Variants in TBL1X observed in about 807,000 individuals in gnomAD.
TBL1X encodes F-box-like/WD repeat-containing protein TBL1X.
In TBL1X, 10 loss-of-function variants were observed where a neutral mutation model predicts 50.7. The observed-to-expected ratio is 0.20, with a 90% CI of 0.12 to 0.33. The LOEUF is 0.33. TBL1X is among the 10% of genes least tolerant of loss of function. The pLI, the probability that TBL1X is intolerant of heterozygous loss-of-function variation, is 1.00. For missense variants in TBL1X, 340 were observed against 504.4 expected (o/e 0.67, Z 3.12); for synonymous variants, 190 against 214.7 (o/e 0.88, Z 1.01).
At position 9,648,723 on chromosome X, in the gene TBL1X, G is replaced by A. The variant is rs774690225; in HGVS notation, c.-42-4822G>A. Among the ~76,000 whole-genome samples the A allele has an allele frequency of 4.4e-5, 5 of 112,435 alleles. No homozygotes were observed. The East Asian group carries it at 1.4e-3, about 31-fold the overall frequency. On this transcript the variant is annotated intron_variant, in intron 3 of 17. Coordinates refer to ENST00000645353, the MANE Select transcript of TBL1X (RefSeq NM_005647.4). ...GTGCCATCACTCAAGCCAGAAATGAGGTTTGCAGTGACCTTCTCTGTGCTT... is the reference window on the plus strand; with the variant it reads ...GTGCCATCACTCAAGCCAGAAATGAAGTTTGCAGTGACCTTCTCTGTGCTT...
intron 5 of TBL1X, among the ~76,000 whole-genome samples, chrX:9,681,662 T>C (rs1027505514): frequency 8.9e-6 from 1 of 112,559 alleles, no homozygotes; most frequent in Non-Finnish European, 1.9e-5. Flanking sequence ...CTTCCACAAT[T>C]GCTCCATCAG....
intron 1 of TBL1X, among the ~76,000 whole-genome samples, chrX:9,487,659 G>A (rs890171987): frequency 8.9e-6 from 1 of 112,116 alleles, no homozygotes; most frequent in Non-Finnish European, 1.9e-5. Context: ...TAGCATGAAC[G>A]GTAATTTTCT....
At chrX:9,571,169 T>TCTC (rs1219510671) in intron 2 of TBL1X, among the ~76,000 whole-genome samples, 1 of 111,489 alleles carries the variant, frequency 9.0e-6, no homozygotes, top group Non-Finnish European at 1.9e-5. Flanking sequence ...TGGGGAGGCC[T>TCTC]CTCCTCCTGG....
At position 9,518,132 on chromosome X, in the gene TBL1X, G is replaced by A. The variant is rs186475647; in HGVS notation, c.-131+16283G>A. On this transcript the variant is annotated intron_variant, in intron 2 of 17. Coordinates refer to ENST00000645353, the MANE Select transcript of TBL1X (RefSeq NM_005647.4). Reference sequence around the variant, plus strand: ...AAAAAAAAAAGAAAAGAAAAAAACAGTACCTTGTTGATACATGGAAATGAT... The same window carrying A: ...AAAAAAAAAAGAAAAGAAAAAAACAATACCTTGTTGATACATGGAAATGAT... Among the ~76,000 whole-genome samples the A allele has an allele frequency of 2.7e-5, 3 of 109,360 alleles. No individual in the cohort carries two copies. The East Asian group carries it at 8.6e-4, about 31-fold the overall frequency. 95.0% of individuals were successfully genotyped at this position (109,360 alleles called of 115,157 possible).
Position 9,692,372 on chromosome X carries a change from G to T in TBL1X, c.891+118G>T, listed in dbSNP as rs764881543. ...GGAGGCAGGTGGTCCTGTGTGCTCA[G>T]CCCCCACTCTGATGGGCTGCCAGAG... On this transcript the variant is annotated intron_variant, in intron 9 of 17. Transcript: ENST00000645353. 46 of 926,907 alleles carry T rather than the reference G, an allele frequency of 5.0e-5. No homozygotes were observed. In the East Asian group the frequency reaches 1.5e-3, roughly 30 times the overall value. 76.4% of individuals were successfully genotyped at this position (926,907 alleles called of 1,213,427 possible). A position where few individuals can be genotyped will look rare whatever the true frequency, so the allele number is the denominator to read the frequency against.
chrX:9,711,560 G>A, intron 15 of TBL1X, 51 bp from the exon 16 acceptor site: 1 of 1,097,995 alleles, frequency 9.1e-7, no homozygotes, highest in Non-Finnish European at 1.2e-6. Context: ...ATGGAGAACT[G>A]TTTGAAACCA....
At chrX:9,678,260 A>T (rs2083006122) in intron 5 of TBL1X, among the ~76,000 whole-genome samples, 1 of 112,159 alleles carries the variant, frequency 8.9e-6, no homozygotes, top group Non-Finnish European at 1.9e-5. Flanking sequence ...AGGTCAGCAC[A>T]CTTTTCCTGT....
intron 7 of TBL1X, among the ~76,000 whole-genome samples, chrX:9,688,785 C>T (rs2083077926): frequency 8.8e-6 from 1 of 113,111 alleles, no homozygotes; most frequent in African/African-American, 3.2e-5. Flanking sequence ...CAAAATTCTA[C>T]CCAGAGAACC....
intron 12 of TBL1X, among the ~76,000 whole-genome samples, chrX:9,698,905 T>C (rs867702093): frequency 0.018 from 1 of 56 alleles, no homozygotes; most frequent in African/African-American, 0.04. Context: ...CCACATGCGT[T>C]ACCCAGGGCT....
At chrX:9,532,247 G>T (rs1489549051) in intron 2 of TBL1X, among the ~76,000 whole-genome samples, 2 of 111,770 alleles carry the variant, frequency 1.8e-5, no homozygotes, top group Admixed American at 1.9e-4. Context: ...TTTCTTTTAT[G>T]TCAATTAACA....
chrX:9,692,134 G>A lies in TBL1X; in HGVS notation c.771G>A (p.Arg257=), dbSNP rs138100745. 7.9e-5 allele frequency: 96 copies of A among 1,210,029 alleles called. No homozygotes were observed. The African/African-American group carries it at 1.3e-3, about 16-fold the overall frequency. ...GTAGATCTGGAGACTCAACTGCAAGGATATGGAACCTGAATGAGAATAGCA... is the reference window on the plus strand; with the variant it reads ...GTAGATCTGGAGACTCAACTGCAAGAATATGGAACCTGAATGAGAATAGCA... ...LASGSGDSTA[R]IWNLNENSNG... Residue 257 remains arginine (R), a synonymous_variant, in exon 9 of 18, where the codon AGG becomes AGA. Coordinates refer to ENST00000645353, the MANE Select transcript of TBL1X (RefSeq NM_005647.4).
In TBL1X at chrX:9,630,093, A is replaced by G. The variant is rs2082713185; in HGVS notation, c.-130-10180A>G. Among the ~76,000 whole-genome samples the G allele has an allele frequency of 3.6e-5, 4 of 111,297 alleles. No individual in the cohort carries two copies. The South Asian group carries it at 1.5e-3, about 43-fold the overall frequency. On this transcript the variant is annotated intron_variant, in intron 2 of 17. Transcript: ENST00000645353. ...AAAGGTGTTTTAAGTGAACAGCTGA[A>G]TGGCAACCTCAGTTTGATGATGCTC...
chrX:9,559,963 G>A (rs1199497696), intron 2 of TBL1X, among the ~76,000 whole-genome samples: 1 of 111,735 alleles, frequency 8.9e-6, no homozygotes, highest in African/African-American at 3.3e-5. Context: ...TGGTAATAAT[G>A]CCCTCCGGTT....
At chrX:9,560,816 G>A (rs1482087967) in intron 2 of TBL1X, among the ~76,000 whole-genome samples, 2 of 111,565 alleles carry the variant, frequency 1.8e-5, no homozygotes, top group Non-Finnish European at 3.8e-5. Flanking sequence ...CCTTTTCTGT[G>A]TTCATCCCAC....
chrX:9,685,247 G>A (rs2083050512), intron 6 of TBL1X, among the ~76,000 whole-genome samples: 1 of 111,643 alleles, frequency 9.0e-6, no homozygotes, highest in Admixed American at 9.5e-5. Context: ...CTTGACTTCT[G>A]GGGAATAATG....
chrX:9,694,698 T>G (rs5979154), intron 11 of TBL1X, among the ~76,000 whole-genome samples: 8,025 of 111,573 alleles, frequency 0.072, 710 homozygotes, highest in African/African-American at 0.25. Flanking sequence ...AGTTGGCCGG[T>G]CGTGGTGGCT....
At chrX:9,570,924 G>A (rs1255223281) in intron 2 of TBL1X, among the ~76,000 whole-genome samples, 3 of 111,050 alleles carry the variant, frequency 2.7e-5, no homozygotes, top group East Asian at 2.8e-4. Context: ...TGATCTGCCC[G>A]CCTCGGCCTC....
chrX:9,681,102 T>C (rs2083022864), intron 5 of TBL1X, among the ~76,000 whole-genome samples: 1 of 111,987 alleles, frequency 8.9e-6, no homozygotes, highest in Admixed American at 9.4e-5. Context: ...TACTCAACAT[T>C]AAAAACCCAG....
intron 12 of TBL1X, among the ~76,000 whole-genome samples, chrX:9,697,975 C>T (rs1171880184): frequency 1.8e-5 from 2 of 111,298 alleles, no homozygotes; most frequent in Non-Finnish European, 3.8e-5. Flanking sequence ...GTTTTAGCTA[C>T]CCAGGAAGCT....
Sources: allele counts gnomAD v4.1 joint callset (sites outside exome capture counted in the v4.1 genomes callset), GRCh38; gene constraint gnomAD v4.1.1; transcripts MANE v1.5; gene names NCBI Gene and HGNC (gene_info 2026-07-23, HGNC 2026-07-21).